The following ZNF385D variants were observed in gnomAD, a reference collection of about 807,000 sequenced individuals.
ZNF385D encodes zinc finger protein 659.
ZNF385D carries 15 observed loss-of-function variants against 35.8 expected under a neutral mutation model. That is an observed-to-expected ratio of 0.42 (90% CI 0.28 to 0.64). The LOEUF (loss-of-function observed/expected upper bound fraction) is 0.64. ZNF385D is among the 30% of genes least tolerant of loss of function. The pLI, the probability that ZNF385D is intolerant of heterozygous loss-of-function variation, is 0.23. For synonymous variants in ZNF385D, 212 were observed against 186.8 expected (o/e 1.13, Z -1.10); for missense variants, 474 against 494.6 (o/e 0.96, Z 0.39).
At chr3:22,256,312 T>C (rs1700315245) in intron 2 of ZNF385D, among the ~76,000 whole-genome samples, 1 of 151,398 alleles carries the variant, frequency 6.6e-6, no homozygotes, top group African/African-American at 2.4e-5. Flanking sequence ...ATAAGGGTAC[T>C]TACGTAATTA....
chr3:21,803,074 AGTTATT>A (rs540418084), intron 3 of ZNF385D, among the ~76,000 whole-genome samples: 50 of 152,256 alleles, frequency 3.3e-4, no homozygotes, highest in Non-Finnish European at 5.7e-4. Context: ...GATGGCTGCA[AGTTATT>A]GTTACCCCTC....
chr3:21,981,702 C>T (rs1396660160), intron 3 of ZNF385D, among the ~76,000 whole-genome samples: 2 of 152,090 alleles, frequency 1.3e-5, no homozygotes. Flanking sequence ...TTCGGTTTTA[C>T]ATTTAAGTAT....
intron 2 of ZNF385D, among the ~76,000 whole-genome samples, chr3:22,360,367 T>G (rs1356848316): frequency 6.6e-6 from 1 of 151,850 alleles, no homozygotes; most frequent in Non-Finnish European, 1.5e-5. Context: ...ATGCACACAT[T>G]ATACTCCCAT....
At chr3:22,172,092 T>G (rs1323006851) in intron 2 of ZNF385D, among the ~76,000 whole-genome samples, 1 of 152,174 alleles carries the variant, frequency 6.6e-6, no homozygotes, top group Non-Finnish European at 1.5e-5. Context: ...GGTGACTGTC[T>G]TGGAACCCAA....
intron 3 of ZNF385D, among the ~76,000 whole-genome samples, chr3:22,132,235 TA>T (rs1169462476): frequency 1.3e-5 from 2 of 152,058 alleles, no homozygotes; most frequent in African/African-American, 2.4e-5. Context: ...AGAGCCCCTA[TA>T]AAAAAAGGAA....
chr3:21,533,538 C>T (rs2061972494), intron 3 of ZNF385D, among the ~76,000 whole-genome samples: 1 of 152,018 alleles, frequency 6.6e-6, no homozygotes, highest in Non-Finnish European at 1.5e-5. Context: ...GTGCATTTAT[C>T]ATCCATCTAT....
At chr3:21,691,230 G>C (rs943076681) in intron 1 of ZNF385D, among the ~76,000 whole-genome samples, 10 of 152,100 alleles carry the variant, frequency 6.6e-5, no homozygotes, top group African/African-American at 2.2e-4. Context: ...GTGTTGCCAA[G>C]TACTGCTAGA....
chr3:21,918,675 C>G (rs1450429187), intron 3 of ZNF385D, among the ~76,000 whole-genome samples: 2 of 152,118 alleles, frequency 1.3e-5, no homozygotes, highest in Non-Finnish European at 2.9e-5. Context: ...TTATTCATTA[C>G]TTTTGACATT....
In ZNF385D at chr3:22,087,500, T is replaced by C. The variant is rs769167063; in HGVS notation, c.325+81317A>G. On this transcript the variant is annotated intron_variant, in intron 3 of 5. Coordinates refer to the ZNF385D transcript ENST00000494108. ...GATGATGCTTTCTCCTTCCTTTGCC[T>C]AGGTCCTGTTTGCTGAAATGTAACA... Among the ~76,000 whole-genome samples the C allele has an allele frequency of 2.0e-5, 3 of 152,170 alleles. No individual in the cohort carries two copies. The South Asian group carries it at 6.2e-4, about 32-fold the overall frequency.
At chr3:21,459,893 G>C (rs1452564637) in intron 4 of ZNF385D, among the ~76,000 whole-genome samples, 1 of 152,118 alleles carries the variant, frequency 6.6e-6, no homozygotes, top group African/African-American at 2.4e-5. Flanking sequence ...TACTCTCCAA[G>C]TCTGGGAATA....
At chr3:21,851,181 C>G (rs908099213) in intron 3 of ZNF385D, among the ~76,000 whole-genome samples, 2 of 151,586 alleles carry the variant, frequency 1.3e-5, no homozygotes, top group African/African-American at 4.8e-5. Context: ...GAAGTAAAAA[C>G]AAAAAGTAAG....
At chr3:22,321,316 A>C (rs545469369) in intron 2 of ZNF385D, among the ~76,000 whole-genome samples, 52 of 151,998 alleles carry the variant, frequency 3.4e-4, no homozygotes, top group Non-Finnish European at 5.0e-4. Flanking sequence ...ACAAGTCCCT[A>C]CAATTAATGG....
intron 3 of ZNF385D, among the ~76,000 whole-genome samples, chr3:21,999,991 CCA>C (rs1250064992): frequency 6.6e-6 from 1 of 152,004 alleles, no homozygotes; most frequent in Admixed American, 6.6e-5. Context: ...TCAAAAATCC[CCA>C]AATAGATTCA....
At chr3:22,156,043 G>C (rs1008870056) in intron 3 of ZNF385D, among the ~76,000 whole-genome samples, 2 of 152,068 alleles carry the variant, frequency 1.3e-5, no homozygotes, top group African/African-American at 4.8e-5. Context: ...TGACATCCTA[G>C]AGTAGGGATC....
intron 3 of ZNF385D, among the ~76,000 whole-genome samples, chr3:21,956,695 G>A (rs1702309841): frequency 6.6e-6 from 1 of 150,792 alleles, no homozygotes; most frequent in Non-Finnish European, 1.5e-5. Flanking sequence ...TTCGTCATTG[G>A]AGTAAGTGTT....
At chr3:21,769,894 G>C (rs2071000925) in intron 3 of ZNF385D, among the ~76,000 whole-genome samples, 1 of 151,538 alleles carries the variant, frequency 6.6e-6, no homozygotes, top group Admixed American at 6.6e-5. Context: ...CAGAGATATA[G>C]ACCAATGGAA....
chr3:21,828,388 A>G (rs578038206), intron 3 of ZNF385D, among the ~76,000 whole-genome samples: 1 of 152,198 alleles, frequency 6.6e-6, no homozygotes, highest in African/African-American at 2.4e-5. Context: ...TATAATAAAT[A>G]TATGTTTTAC....
At chr3:21,804,887 T>G (rs2072568581) in intron 3 of ZNF385D, among the ~76,000 whole-genome samples, 1 of 152,130 alleles carries the variant, frequency 6.6e-6, no homozygotes, top group South Asian at 2.1e-4. Context: ...AGAACGTTGC[T>G]TGGAAAATCA....
intron 3 of ZNF385D, among the ~76,000 whole-genome samples, chr3:22,086,501 A>T (rs1386873124): frequency 6.6e-6 from 1 of 152,194 alleles, no homozygotes; most frequent in Admixed American, 6.5e-5. Context: ...AGGGATGTGA[A>T]GGACCTCTTC....
Sources: gnomAD v4.1 joint callset for allele counts (sites outside exome capture counted in the v4.1 genomes callset) on GRCh38, gnomAD v4.1.1 for gene constraint, MANE v1.5 for transcripts, NCBI Gene and HGNC (gene_info 2026-07-23, HGNC 2026-07-21) for gene names.